Variants in FRMPD1 observed in about 807,000 individuals in gnomAD.
FRMPD1 encodes FERM and PDZ domain-containing protein 1.
A neutral mutation model predicts 117.8 loss-of-function variants in FRMPD1; 76 were observed. The observed-to-expected ratio is 0.65, with a 90% confidence interval of 0.54 to 0.78. The LOEUF is 0.78. Among genes scored for constraint, FRMPD1 ranks in the 30% least tolerant of loss-of-function variants. FRMPD1 has a pLI of 0.00. For missense variants in FRMPD1, 1,786 were observed against 1,964.5 expected, an observed-to-expected ratio of 0.91 and a Z score of 1.72; for synonymous variants, 783 against 770.4, an observed-to-expected ratio of 1.02 and a Z score of -0.27.
At chr9:37,696,051 CTTTT>C (rs61521469) in intron 2 of FRMPD1, among the ~76,000 whole-genome samples, 38 of 78,114 alleles carry the variant, frequency 4.9e-4, no homozygotes, top group South Asian at 1.1e-3. Flanking sequence ...CATTGTTTTG[CTTTT>C]TTTTTTTTTT....
At chr9:37,738,688 C>T (rs1481505787) in intron 14 of FRMPD1, among the ~76,000 whole-genome samples, 1 of 152,106 alleles carries the variant, frequency 6.6e-6, no homozygotes, top group African/African-American at 2.4e-5. Flanking sequence ...GGTGACTCCT[C>T]AGAGTCTGCT....
At chr9:37,699,121 C>T (rs1822440072) in intron 2 of FRMPD1, among the ~76,000 whole-genome samples, 1 of 152,132 alleles carries the variant, frequency 6.6e-6, no homozygotes, top group East Asian at 1.9e-4. Context: ...ATCCACTGGC[C>T]TCAGCCTCCC....
intron 12 of FRMPD1, among the ~76,000 whole-genome samples, chr9:37,735,123 G>C (rs890921884): frequency 6.6e-6 from 1 of 152,236 alleles, no homozygotes; most frequent in African/African-American, 2.4e-5. Flanking sequence ...TAGTAGAGAA[G>C]TAAGAGGAAG....
At chr9:37,606,312 C>A in the FRMPD1 span, among the ~76,000 whole-genome samples, 1 of 152,120 alleles carries the variant, frequency 6.6e-6, no homozygotes. Context: ...TTGGATCAAG[C>A]CTCTTGAGTG....
At chr9:37,720,479 A>G (rs1823347117) in intron 6 of FRMPD1, among the ~76,000 whole-genome samples, 1 of 152,166 alleles carries the variant, frequency 6.6e-6, no homozygotes, top group Non-Finnish European at 1.5e-5. Flanking sequence ...CCTGGCTAAC[A>G]TGGCGAAACC....
At chr9:37,651,392 C>T (rs2119353043) in intron 1 of FRMPD1, among the ~76,000 whole-genome samples, 2 of 152,334 alleles carry the variant, frequency 1.3e-5, no homozygotes, top group Middle Eastern at 3.4e-3. Context: ...GACCTGGGTT[C>T]AGGTGCGGCC....
At chr9:37,733,952 T>G in intron 12 of FRMPD1, 127 bp downstream of exon 12, 1 of 670,314 alleles carries the variant, frequency 1.5e-6, no homozygotes, top group Admixed American at 2.4e-5. Context: ...TCTGGTAAAC[T>G]AAATAGTACA....
intron 2 of FRMPD1, among the ~76,000 whole-genome samples, chr9:37,701,023 A>G (rs1822511294): frequency 6.6e-6 from 1 of 152,218 alleles, no homozygotes. Context: ...TACTTAGGTT[A>G]ATCCCTTTCC....
intron 7 of FRMPD1, among the ~76,000 whole-genome samples, chr9:37,727,082 G>T (rs1277075180): frequency 6.6e-6 from 1 of 152,182 alleles, no homozygotes; most frequent in Non-Finnish European, 1.5e-5. Context: ...TGGGGCTTGT[G>T]GGCAGAGTGC....
At chr9:37,651,696 C>A (rs1820681016) in intron 1 of FRMPD1, among the ~76,000 whole-genome samples, 1 of 152,182 alleles carries the variant, frequency 6.6e-6, no homozygotes, top group African/African-American at 2.4e-5. Flanking sequence ...GGGGATGCCC[C>A]TAGGGTTAGG....
In FRMPD1 at chr9:37,744,540, G is replaced by A. The variant is rs1323345437; in HGVS notation, c.2508G>A (p.Arg836=). ...GGVKKYAKTL[R]KRRSFLQTDY... is the part of the protein sequence containing the mutation. ...TGAAGAAATATGCCAAGACCCTGAG[G>A]AAAAGAAGGTCTTTCCTACAGACCG... Residue 836 remains arginine (R), a synonymous_variant, in exon 16 of 16, where the codon AGG becomes AGA. Transcript: ENST00000377765. 3 of 1,614,108 alleles carry A rather than the reference G, an allele frequency of 1.9e-6. No homozygotes were observed. The highest frequency in any genetic ancestry group is 2.5e-6 in the Non-Finnish European group (3 of 1,180,006).
the FRMPD1 span, among the ~76,000 whole-genome samples, chr9:37,645,840 C>T: frequency 1.2e-4 from 19 of 152,322 alleles, no homozygotes; most frequent in East Asian, 3.7e-3. Context: ...CTTTTGCCAA[C>T]AGCAGTACTT....
Position 37,731,054 on chromosome 9 carries a change from T to G in FRMPD1, c.809T>G (p.Leu270Arg). ...GTCTGTTTTGTTCCCAAGGACCCCC[T>G]GGACCTCCTGAAAGAAGACCCCGTG... ...FRVCFVPKDP[L>R]DLLKEDPVAF... Residue 270 changes from leucine to arginine, a missense_variant, in exon 9 of 16, where the codon CTG (leucine) becomes CGG (arginine). Physicochemically the swap from Leu to Arg is moderately radical, Grantham distance 102. Transcript: ENST00000377765. 6.2e-7 allele frequency: 1 copy of G among 1,613,520 alleles called. No individual in the cohort carries two copies. The highest frequency in any genetic ancestry group is 1.1e-5 in the South Asian group (1 of 91,068).
the FRMPD1 span, among the ~76,000 whole-genome samples, chr9:37,636,271 A>C: frequency 6.6e-6 from 1 of 152,166 alleles, no homozygotes; most frequent in Non-Finnish European, 1.5e-5. Context: ...CACTGACTGC[A>C]GCCAGGGCAG....
At chr9:37,701,813 A>G (rs1822543951) in intron 2 of FRMPD1, among the ~76,000 whole-genome samples, 1 of 152,160 alleles carries the variant, frequency 6.6e-6, no homozygotes, top group South Asian at 2.1e-4. Flanking sequence ...AGGAAAGATG[A>G]GAATGGAAAG....
At chr9:37,659,939 A>AAC (rs59590707) in intron 1 of FRMPD1, among the ~76,000 whole-genome samples, 4 of 147,306 alleles carry the variant, frequency 2.7e-5, no homozygotes, top group Non-Finnish European at 6.0e-5. Flanking sequence ...AAAAAACAAA[A>AAC]CTGAGGGGCA....
At chr9:37,737,953 A>G (rs1346100238) in intron 14 of FRMPD1, among the ~76,000 whole-genome samples, 2 of 152,118 alleles carry the variant, frequency 1.3e-5, no homozygotes, top group African/African-American at 2.4e-5. Context: ...CTCTTGAAGT[A>G]TAAAAGAACT....
At chr9:37,671,781 C>T (rs897823060) in intron 1 of FRMPD1, among the ~76,000 whole-genome samples, 6 of 152,238 alleles carry the variant, frequency 3.9e-5, no homozygotes, top group South Asian at 4.1e-4. Flanking sequence ...ACTTGGTCAA[C>T]GTGATGAAAC....
the FRMPD1 span, among the ~76,000 whole-genome samples, chr9:37,622,932 A>G: frequency 6.6e-6 from 1 of 152,268 alleles, no homozygotes; most frequent in African/African-American, 2.4e-5. Context: ...AAAAAAACAA[A>G]GAGAGATGCT....
Sources: gnomAD v4.1 joint callset for allele counts (sites outside exome capture counted in the v4.1 genomes callset) on GRCh38, gnomAD v4.1.1 for gene constraint, MANE v1.5 for transcripts, NCBI Gene and HGNC (gene_info 2026-07-23, HGNC 2026-07-21) for gene names.